CLN3: variants seen among roughly 807,000 people sequenced by gnomAD.
The protein encoded by CLN3 is battenin.
A neutral mutation model predicts 60.7 loss-of-function variants in CLN3; 49 were observed. The ratio of observed to expected loss-of-function variants is 0.81; its 90% confidence interval spans 0.64 to 1.02. The LOEUF (loss-of-function observed/expected upper bound fraction) is 1.02, where lower values mean the gene tolerates loss of function less well. Ranked by LOEUF, CLN3 falls within the 50% of genes least tolerant of loss-of-function variation. The probability of loss-of-function intolerance (pLI) is 0.00; values close to 1 mark genes in which losing one functional copy is unlikely to be tolerated. For missense variants in CLN3, 516 were observed against 557.4 expected, an observed-to-expected ratio of 0.93 and a Z score of 0.75; for synonymous variants, 256 against 245.8, an observed-to-expected ratio of 1.04 and a Z score of -0.39.
downstream of CLN3, among the ~76,000 whole-genome samples, chr16:28,472,767 G>T (rs1341464849): frequency 6.7e-6 from 1 of 149,740 alleles, no homozygotes; most frequent in African/African-American, 2.5e-5. Context: ...GCTTGAACCC[G>T]GGAGTCTGGG....
the CLN3 span, among the ~76,000 whole-genome samples, chr16:28,468,747 C>A: frequency 1.3e-4 from 15 of 119,196 alleles, no homozygotes; most frequent in African/African-American, 4.1e-4. Context: ...GCAGAGGTTG[C>A]AGTGAGCCGA....
Position 28,477,373 on chromosome 16 carries a change from A to G in CLN3, c.*143T>C, listed in dbSNP as rs2046009480. On this transcript the variant is annotated 3_prime_UTR_variant, in exon 16 of 16. Transcript: ENST00000636147. ...TGGCTGGCCCCCCTGCAAGGGAAAC[A>G]AGGCTTCAGCCCTTCCCTACTCCCA... is the stretch of plus-strand genomic sequence containing the variant. The G allele has an allele frequency of 1.8e-6, 2 of 1,110,018 alleles. No individual in the cohort carries two copies. Among genetic ancestry groups the G allele is most frequent in the East Asian group, 5.0e-5 (2 of 40,368 alleles). The allele number at this position is 1,110,018 out of a possible 1,614,324, so 68.8% of individuals were successfully genotyped here.
intron 3 of CLN3, among the ~76,000 whole-genome samples, chr16:28,490,759 CAAAAAAAAAAA>C (rs772260404): frequency 1.8e-5 from 1 of 55,108 alleles, no homozygotes; most frequent in African/African-American, 7.4e-5. Flanking sequence ...GACTCCGTCT[CAAAAAAAAAAA>C]AAAAAAAAAA....
At chr16:28,486,535 C>T (rs2046221958) in intron 8 of CLN3, 43 bp downstream of exon 8, 6 of 1,608,088 alleles carry the variant, frequency 3.7e-6, no homozygotes, top group Non-Finnish European at 5.1e-6. Context: ...CTAGGCTGAC[C>T]ATGGGACAGC....
At chr16:28,471,854 A>C (rs1419817016), downstream of CLN3, among the ~76,000 whole-genome samples, 1 of 151,920 alleles carries the variant, frequency 6.6e-6, no homozygotes, top group Non-Finnish European at 1.5e-5. Flanking sequence ...GTTGACCTTC[A>C]TGATTGACCT....
In CLN3 at chr16:28,477,802, T is replaced by C. The variant is rs147658282; in HGVS notation, c.1132A>G (p.Ile378Val). Residue 378 changes from isoleucine to valine, a missense_variant, in exon 15 of 16, where the codon ATT becomes GTT. Transcript: ENST00000636147. ...LPSIYLVFLI[I>V]LYEGLLGGAA... Reference sequence around the variant, plus strand: ...CCTCCCAGGAGCCCCTCATACAGAATGATCAGGAAGACGAGGTAGATGCTT... The same window carrying C: ...CCTCCCAGGAGCCCCTCATACAGAACGATCAGGAAGACGAGGTAGATGCTT... 3.7e-6 allele frequency: 6 copies of C among 1,614,036 alleles called. No individual in the cohort carries two copies. In the African/African-American group the frequency reaches 5.3e-5, roughly 14 times the overall value.
intron 13 of CLN3, 36 bp from the exon 14 acceptor site, chr16:28,482,234 T>C (rs1354830390): frequency 3.7e-6 from 6 of 1,603,310 alleles, no homozygotes; most frequent in Non-Finnish European, 4.3e-6. Flanking sequence ...AGGAGGCTCC[T>C]CCAGGGACCA....
chr16:28,470,579 G>A (rs1488406406), downstream of CLN3: 2 of 73,684 alleles, frequency 2.7e-5, no homozygotes, highest in Non-Finnish European at 2.2e-5. Context: ...AGGGGAGGGG[G>A]AGGGGAAGGG....
chr16:28,484,299 T>C, intron 9 of CLN3, 181 bp from the exon 10 acceptor site: 1 of 630,166 alleles, frequency 1.6e-6, no homozygotes, highest in East Asian at 2.8e-5. Flanking sequence ...CAAAGGCTTC[T>C]TTCTTTGGAC....
At chr16:28,478,975 GC>G (rs2046043567) in intron 14 of CLN3, among the ~76,000 whole-genome samples, 1 of 152,044 alleles carries the variant, frequency 6.6e-6, no homozygotes, top group South Asian at 2.1e-4. Flanking sequence ...AGCAGTCGCT[GC>G]CCCCCTGCCT....
downstream of CLN3, chr16:28,475,496 G>A (rs1271961190): frequency 6.6e-6 from 1 of 152,290 alleles, no homozygotes; most frequent in Admixed American, 6.5e-5. Context: ...CTTGCCCAAG[G>A]TAATAGAGCT....
At chr16:28,469,708 G>T, downstream of CLN3, 2 of 382,564 alleles carry the variant, frequency 5.2e-6, no homozygotes, top group Non-Finnish European at 1.0e-5. Flanking sequence ...ATATATTTTG[G>T]CCAGGCGCGG....
chr16:28,487,675 G>C lies in CLN3; in HGVS notation c.361C>G (p.Leu121Val), dbSNP rs752282954. Residue 121 changes from leucine (L) to valine (V), a missense_variant, in exon 6 of 16, where the codon CTG becomes GTG. Transcript: ENST00000636147. The part of the protein sequence containing the change: ...IKLLAPLGLH[L>V]LPYSPRVLVS... ...CCTCACCCAGACCTGTAGGGCAGCA[G>C]GTGAAGGCCAAGAGGAGCCAACAAT... is the stretch of plus-strand genomic sequence containing the variant. 40 of 1,613,772 alleles carry C rather than the reference G, an allele frequency of 2.5e-5. No individual in the cohort carries two copies. In the African/African-American group the frequency reaches 4.0e-4, roughly 16 times the overall value.
downstream of CLN3, among the ~76,000 whole-genome samples, chr16:28,469,522 TG>T (rs2045926909): frequency 6.8e-6 from 1 of 147,584 alleles, no homozygotes; most frequent in African/African-American, 2.5e-5. Context: ...CGCTCAAACC[TG>T]GGAAGCAGAG....
chr16:28,483,738 T>C (rs1190352455), intron 10 of CLN3, among the ~76,000 whole-genome samples: 2 of 115,790 alleles, frequency 1.7e-5, no homozygotes, highest in Non-Finnish European at 3.8e-5. Context: ...TTTTTTTTTT[T>C]TGCGACAAGG....
chr16:28,488,987 C>T (rs2046268606), intron 4 of CLN3, among the ~76,000 whole-genome samples: 1 of 152,138 alleles, frequency 6.6e-6, no homozygotes, highest in African/African-American at 2.4e-5. Flanking sequence ...TTGCAACTTC[C>T]ACCTCCTGGC....
At position 28,482,330 on chromosome 16, in the gene CLN3, C is replaced by T. The variant is rs138636923; in HGVS notation, c.959G>A (p.Arg320His). The part of the protein sequence containing the change: ...NTSLSHAQQY[R>H]WYQMLYQAGV... ...CCACTGCCCTCGCTCCTCTTACCAGCGGTATTGCTGAGCGTGACTCAGGGA... is the reference window on the plus strand; with the variant it reads ...CCACTGCCCTCGCTCCTCTTACCAGTGGTATTGCTGAGCGTGACTCAGGGA... The change falls in exon 13 of 16, where the codon CGC becomes CAC. Residue 320 changes from arginine (R) to histidine (H), a missense_variant. Physicochemically the swap from Arg to His is conservative, Grantham distance 29. Transcript: ENST00000636147. The T allele has an allele frequency of 1.9e-6, 3 of 1,613,542 alleles. No individual in the cohort carries two copies. The highest frequency in any genetic ancestry group is 1.7e-6 in the Non-Finnish European group (2 of 1,179,838).
At chr16:28,484,367 G>C in intron 9 of CLN3, 1 of 489,782 alleles carries the variant, frequency 2.0e-6, no homozygotes, top group East Asian at 3.8e-5. Context: ...ATTTTTTTCA[G>C]AGACAGGGTC....
At chr16:28,478,475 G>T (rs930265905) in intron 14 of CLN3, among the ~76,000 whole-genome samples, 1 of 151,538 alleles carries the variant, frequency 6.6e-6, no homozygotes, top group Non-Finnish European at 1.5e-5. Context: ...AATTAGTTGA[G>T]CATGGTGGCA....
Sources: gnomAD v4.1 joint callset for allele counts (sites outside exome capture counted in the v4.1 genomes callset) on GRCh38, gnomAD v4.1.1 for gene constraint, MANE v1.5 for transcripts, NCBI Gene and HGNC (gene_info 2026-07-23, HGNC 2026-07-21) for gene names.